Variants in LRRIQ1 observed in about 807,000 individuals in gnomAD.
LRRIQ1 encodes the protein leucine-rich repeat- and IQ domain-containing protein 1.
A neutral mutation model predicts 211.9 loss-of-function variants in LRRIQ1; 210 were observed. That is an observed-to-expected ratio of 0.99 (90% CI 0.89 to 1.11). The LOEUF is 1.11. Ranked by LOEUF, LRRIQ1 falls within the 50% of genes most tolerant of loss-of-function variation. The probability of loss-of-function intolerance (pLI) is 0.00; values close to 1 mark genes in which losing one functional copy is unlikely to be tolerated. For synonymous variants in LRRIQ1, 699 were observed against 650.1 expected, an observed-to-expected ratio of 1.08 and a Z score of -1.14; for missense variants, 2,136 against 1,939.5, an observed-to-expected ratio of 1.10 and a Z score of -1.90.
chr12:85,184,333 A>T, intron 24 of LRRIQ1, among the ~76,000 whole-genome samples: 1 of 152,066 alleles, frequency 6.6e-6, no homozygotes, highest in East Asian at 1.9e-4. Flanking sequence ...TCATTATGAT[A>T]ACTGAGATTA....
At chr12:85,189,269 G>T (rs1892377877) in intron 24 of LRRIQ1, among the ~76,000 whole-genome samples, 1 of 152,076 alleles carries the variant, frequency 6.6e-6, no homozygotes, top group African/African-American at 2.4e-5. Context: ...GAGACAGATT[G>T]CATATCAGCC....
intron 26 of LRRIQ1, 86 bp from the exon 27 acceptor site, chr12:85,244,703 T>A (rs553727511): frequency 8.8e-7 from 1 of 1,142,318 alleles, no homozygotes; most frequent in East Asian, 2.4e-5. Flanking sequence ...CAGAGCCTGT[T>A]TGTTTATTTG....
At chr12:85,220,927 C>T (rs1894372159) in intron 24 of LRRIQ1, among the ~76,000 whole-genome samples, 1 of 151,846 alleles carries the variant, frequency 6.6e-6, no homozygotes, top group African/African-American at 2.4e-5. Context: ...TCTGCCTCAG[C>T]CTCCCTATAG....
At chr12:85,114,572 A>C (rs1887437695) in intron 15 of LRRIQ1, among the ~76,000 whole-genome samples, 1 of 152,202 alleles carries the variant, frequency 6.6e-6, no homozygotes, top group Non-Finnish European at 1.5e-5. Flanking sequence ...ATTTTATTAC[A>C]AATTTGTAAA....
At chr12:85,043,626 C>G (rs1354439014) in intron 3 of LRRIQ1, among the ~76,000 whole-genome samples, 1 of 152,054 alleles carries the variant, frequency 6.6e-6, no homozygotes, top group East Asian at 1.9e-4. Flanking sequence ...AGGTGTGATT[C>G]TTTGGGAGAA....
At chr12:85,051,089 G>T (rs898661292) in intron 6 of LRRIQ1, among the ~76,000 whole-genome samples, 1 of 152,046 alleles carries the variant, frequency 6.6e-6, no homozygotes, top group Non-Finnish European at 1.5e-5. Context: ...GAATAGCTTG[G>T]TGCTCTCCCC....
At chr12:85,043,456 T>C (rs1031767926) in intron 3 of LRRIQ1, among the ~76,000 whole-genome samples, 1 of 152,076 alleles carries the variant, frequency 6.6e-6, no homozygotes, top group African/African-American at 2.4e-5. Flanking sequence ...TTCTGAGAAG[T>C]GTTCTACAGC....
At chr12:85,217,490 ATGTATATATATATATATATGTGTG>A (rs1165568883) in intron 24 of LRRIQ1, among the ~76,000 whole-genome samples, 1 of 84,086 alleles carries the variant, frequency 1.2e-5, no homozygotes, top group African/African-American at 8.2e-5. Context: ...ATATATATAT[ATGTATATATATATATATATGTGTG>A]TGTGTGTGTG....
chr12:85,213,522 T>C (rs968527071), intron 24 of LRRIQ1, among the ~76,000 whole-genome samples: 124 of 152,120 alleles, frequency 8.2e-4, no homozygotes, highest in African/African-American at 2.8e-3. Flanking sequence ...CATTCAACAA[T>C]TGGAAAATGT....
At chr12:85,205,855 A>T (rs1592968986) in intron 24 of LRRIQ1, among the ~76,000 whole-genome samples, 1 of 152,068 alleles carries the variant, frequency 6.6e-6, no homozygotes, top group Non-Finnish European at 1.5e-5. Flanking sequence ...GGCAGTTTTC[A>T]AGCTCAGAGT....
At chr12:85,122,520 A>G (rs937657276) in intron 16 of LRRIQ1, among the ~76,000 whole-genome samples, 1 of 152,112 alleles carries the variant, frequency 6.6e-6, no homozygotes, top group Non-Finnish European at 1.5e-5. Flanking sequence ...AGGAAATGTA[A>G]ATTATAAACA....
At chr12:85,065,007 G>C (rs1882278449) in intron 8 of LRRIQ1, among the ~76,000 whole-genome samples, 1 of 151,748 alleles carries the variant, frequency 6.6e-6, no homozygotes, top group African/African-American at 2.4e-5. Flanking sequence ...GCTAATACAT[G>C]ATTATGTTGT....
At chr12:85,107,469 C>T (rs991727221) in intron 15 of LRRIQ1, among the ~76,000 whole-genome samples, 2 of 152,014 alleles carry the variant, frequency 1.3e-5, no homozygotes, top group African/African-American at 4.8e-5. Flanking sequence ...AAGATTTTCT[C>T]TTGATCACTG....
intron 24 of LRRIQ1, among the ~76,000 whole-genome samples, chr12:85,228,312 T>A (rs1894769415): frequency 2.6e-5 from 4 of 151,956 alleles, no homozygotes; most frequent in Non-Finnish European, 2.9e-5. Flanking sequence ...CAAAGAACTT[T>A]TGTATAATTA....
intron 25 of LRRIQ1, among the ~76,000 whole-genome samples, chr12:85,230,662 C>A (rs748917431): frequency 2.0e-5 from 3 of 152,078 alleles, no homozygotes; most frequent in Non-Finnish European, 4.4e-5. Context: ...AAATAAAAGT[C>A]CAGAGATGAT....
At chr12:85,154,624 A>G (rs1260132222) in intron 23 of LRRIQ1, among the ~76,000 whole-genome samples, 1 of 151,334 alleles carries the variant, frequency 6.6e-6, no homozygotes, top group Non-Finnish European at 1.5e-5. Context: ...GCTACTCTTT[A>G]AATCATTTGT....
chr12:85,082,597 A>G (rs1303686639), intron 11 of LRRIQ1, among the ~76,000 whole-genome samples: 3 of 152,048 alleles, frequency 2.0e-5, no homozygotes, highest in Non-Finnish European at 4.4e-5. Context: ...TCTCTCTTTG[A>G]TGCCCATAGG....
At chr12:85,123,759 A>G (rs542126548) in intron 16 of LRRIQ1, among the ~76,000 whole-genome samples, 1 of 152,284 alleles carries the variant, frequency 6.6e-6, no homozygotes, top group South Asian at 2.1e-4. Flanking sequence ...ATGATTTCTC[A>G]TGTTTATGGT....
chr12:85,150,667 G>A (rs1890180488), intron 19 of LRRIQ1, among the ~76,000 whole-genome samples: 1 of 151,578 alleles, frequency 6.6e-6, no homozygotes, highest in Non-Finnish European at 1.5e-5. Context: ...TGTAGCCATT[G>A]TTTCTAGATT....
Sources: allele counts gnomAD v4.1 joint callset (sites outside exome capture counted in the v4.1 genomes callset), GRCh38; gene constraint gnomAD v4.1.1; transcripts MANE v1.5; gene names NCBI Gene and HGNC (gene_info 2026-07-23, HGNC 2026-07-21).